Variants in MSRA observed in about 807,000 individuals in gnomAD.
The protein encoded by MSRA is mitochondrial peptide methionine sulfoxide reductase.
MSRA carries 54 observed loss-of-function variants against 31.3 expected under a neutral mutation model. The ratio of observed to expected loss-of-function variants is 1.73; its 90% CI spans 1.39 to 2.17. The LOEUF (loss-of-function observed/expected upper bound fraction) is 2.17. MSRA is among the 30% of genes most tolerant of loss of function. The probability of loss-of-function intolerance (pLI) is 0.00; values close to 1 mark genes in which losing one functional copy is unlikely to be tolerated. For missense variants in MSRA, 507 were observed against 300.9 expected (o/e 1.69, Z -5.07); for synonymous variants, 169 against 116.5 (o/e 1.45, Z -2.90).
intron 3 of MSRA, among the ~76,000 whole-genome samples, chr8:10,252,391 T>A (rs1294813366): frequency 6.6e-6 from 1 of 152,186 alleles, no homozygotes; most frequent in East Asian, 1.9e-4. Context: ...ATTTGGTTCC[T>A]GTTTATGATT....
Position 10,081,701 on chromosome 8 carries a change from A to G in MSRA, c.142+27043A>G, listed in dbSNP as rs557642092. ...GACGGGGTTTCACCATATTGGCCAG[A>G]CTGGTCTCAAACTCCTGACCTCAGG... On this transcript the variant is annotated intron_variant, in intron 1 of 5. Transcript: ENST00000317173. 1.7e-3 allele frequency among the ~76,000 whole-genome samples: 253 copies of G among 152,042 alleles called. 3 individuals are homozygous for G. Among genetic ancestry groups the G allele is most frequent in the African/African-American group, 5.9e-3 (244 of 41,480 alleles).
intron 1 of MSRA, among the ~76,000 whole-genome samples, chr8:10,095,320 G>A (rs1370178529): frequency 6.6e-6 from 1 of 152,104 alleles, no homozygotes; most frequent in Non-Finnish European, 1.5e-5. Context: ...TATTGCTCCG[G>A]GAACATGTTA....
chr8:10,278,895 G>GT (rs1250499298), intron 3 of MSRA, among the ~76,000 whole-genome samples: 1 of 152,174 alleles, frequency 6.6e-6, no homozygotes, highest in Non-Finnish European at 1.5e-5. Flanking sequence ...TTTTGGAGCT[G>GT]TAAGTCTTAC....
At chr8:10,268,992 G>A (rs1216667787) in intron 3 of MSRA, among the ~76,000 whole-genome samples, 1 of 152,214 alleles carries the variant, frequency 6.6e-6, no homozygotes, top group African/African-American at 2.4e-5. Context: ...AGATAGATAA[G>A]GCATAGCCCG....
At chr8:10,329,819 G>A (rs936727950) in intron 5 of MSRA, among the ~76,000 whole-genome samples, 1 of 151,838 alleles carries the variant, frequency 6.6e-6, no homozygotes, top group South Asian at 2.1e-4. Context: ...TTCCTCTCTC[G>A]GGGGTCTTTA....
intron 1 of MSRA, among the ~76,000 whole-genome samples, chr8:10,202,395 A>G (rs1271166864): frequency 6.6e-6 from 1 of 152,208 alleles, no homozygotes; most frequent in Non-Finnish European, 1.5e-5. Context: ...TTATCCCTAG[A>G]GCAATATATA....
chr8:10,324,342 A>T (rs891696758), intron 5 of MSRA, among the ~76,000 whole-genome samples: 3 of 152,170 alleles, frequency 2.0e-5, no homozygotes, highest in African/African-American at 4.8e-5. Flanking sequence ...TTGCATGCCC[A>T]TGTGCATTGT....
At chr8:10,421,765 C>T (rs545900458) in intron 5 of MSRA, among the ~76,000 whole-genome samples, 4 of 152,072 alleles carry the variant, frequency 2.6e-5, no homozygotes, top group East Asian at 3.9e-4. Flanking sequence ...AGCTGGAGAC[C>T]GAGCTGAGGT....
intron 4 of MSRA, among the ~76,000 whole-genome samples, chr8:10,315,856 T>C (rs1219526864): frequency 6.6e-6 from 1 of 152,208 alleles, no homozygotes; most frequent in Non-Finnish European, 1.5e-5. Flanking sequence ...CTAGGACGCA[T>C]AATAAGTAAA....
chr8:10,225,221 T>C (rs373773717), intron 2 of MSRA, among the ~76,000 whole-genome samples: 2 of 152,358 alleles, frequency 1.3e-5, no homozygotes, highest in Middle Eastern at 3.4e-3. Context: ...CTCTAACCAC[T>C]GCACACCCTC....
Position 10,269,627 on chromosome 8 carries a change from G to GT in MSRA, c.331+24410dup, listed in dbSNP as rs541100899. Among the ~76,000 whole-genome samples, 143 of 151,842 alleles carry GT rather than the reference G, an allele frequency of 9.4e-4. 1 individual carries two copies. Among genetic ancestry groups the GT allele is most frequent in the African/African-American group, 3.3e-3 (138 of 41,450 alleles). ...CTGCTACCGCTTACTCTCTCTTTTG[G>GT]TTTTTTGTTGTTGTTGTTGTTTGTT... On this transcript the variant is annotated intron_variant, in intron 3 of 5. Coordinates refer to ENST00000317173, the MANE Select transcript of MSRA (RefSeq NM_012331.5).
chr8:10,344,322 C>G (rs1233593984), intron 5 of MSRA, among the ~76,000 whole-genome samples: 2 of 152,024 alleles, frequency 1.3e-5, no homozygotes, highest in Non-Finnish European at 2.9e-5. Context: ...ATCAGGCAAT[C>G]AAAGCCAGCC....
intron 2 of MSRA, among the ~76,000 whole-genome samples, chr8:10,233,594 A>G (rs1223607389): frequency 6.6e-6 from 1 of 152,240 alleles, no homozygotes; most frequent in Non-Finnish European, 1.5e-5. Context: ...GTTGATGAGG[A>G]ACTTAGTTAA....
intron 2 of MSRA, among the ~76,000 whole-genome samples, chr8:10,235,106 CATAG>C (rs1376325421): frequency 6.7e-6 from 1 of 150,056 alleles, no homozygotes; most frequent in African/African-American, 2.5e-5. Context: ...CTAAGAAACA[CATAG>C]AGAGAAATTT....
At chr8:10,106,915 C>T (rs1316456829) in intron 1 of MSRA, among the ~76,000 whole-genome samples, 1 of 151,968 alleles carries the variant, frequency 6.6e-6, no homozygotes, top group Non-Finnish European at 1.5e-5. Context: ...CCCACCTACC[C>T]ATTCACCTAC....
chr8:10,089,671 A>C (rs1015546417), intron 1 of MSRA, among the ~76,000 whole-genome samples: 12 of 152,206 alleles, frequency 7.9e-5, no homozygotes, highest in African/African-American at 2.9e-4. Context: ...CAGGCTGTAT[A>C]AGAAATATGG....
At chr8:10,231,128 G>A (rs1362721428) in intron 2 of MSRA, among the ~76,000 whole-genome samples, 2 of 152,136 alleles carry the variant, frequency 1.3e-5, no homozygotes, top group Admixed American at 6.5e-5. Context: ...GTTTGAAAGT[G>A]CATGAGATGG....
intron 3 of MSRA, among the ~76,000 whole-genome samples, chr8:10,299,065 A>G (rs1800697810): frequency 6.6e-6 from 1 of 152,182 alleles, no homozygotes; most frequent in Non-Finnish European, 1.5e-5. Context: ...AGATGCTTCT[A>G]AGCAATTTTA....
chr8:10,066,889 T>TC (rs1383752907), intron 1 of MSRA, among the ~76,000 whole-genome samples: 4 of 151,550 alleles, frequency 2.6e-5, no homozygotes, highest in African/African-American at 7.3e-5. Context: ...TTTTTTTTTT[T>TC]CGAGCAGTTT....
Sources: gnomAD v4.1 joint callset for allele counts (sites outside exome capture counted in the v4.1 genomes callset) on GRCh38, gnomAD v4.1.1 for gene constraint, MANE v1.5 for transcripts, NCBI Gene and HGNC (gene_info 2026-07-23, HGNC 2026-07-21) for gene names.